MTUS2: variants seen among roughly 807,000 people sequenced by gnomAD.
MTUS2 encodes microtubule associated scaffold protein 2.
In MTUS2, 40 loss-of-function variants were observed where a neutral mutation model predicts 114.1. That is an observed-to-expected ratio of 0.35 (90% CI 0.27 to 0.46). The LOEUF is 0.46. Among genes scored for constraint, MTUS2 ranks in the 20% least tolerant of loss-of-function variants. The pLI is 1.00. For synonymous variants in MTUS2, 688 were observed against 672.0 expected (o/e 1.02, Z -0.37); for missense variants, 1,679 against 1,705.4 (o/e 0.98, Z 0.27).
chr13:28,981,655 G>A (rs571658053), intron 2 of MTUS2, among the ~76,000 whole-genome samples: 1 of 152,328 alleles, frequency 6.6e-6, no homozygotes, highest in East Asian at 1.9e-4. Flanking sequence ...TGCCTGGTCT[G>A]GCTTCTCTTC....
At chr13:29,085,842 C>T (rs1215389199) in intron 4 of MTUS2, among the ~76,000 whole-genome samples, 5 of 152,070 alleles carry the variant, frequency 3.3e-5, no homozygotes, top group Non-Finnish European at 7.4e-5. Flanking sequence ...GTTCTAAGTT[C>T]TTTGAGAATT....
chr13:28,842,278 A>G (rs1318274729), intron 2 of MTUS2, among the ~76,000 whole-genome samples: 1 of 152,172 alleles, frequency 6.6e-6, no homozygotes, highest in Non-Finnish European at 1.5e-5. Flanking sequence ...GACTTAGATC[A>G]GTTAATTCCT....
intron 5 of MTUS2, among the ~76,000 whole-genome samples, chr13:29,204,419 C>T (rs1258268859): frequency 6.6e-6 from 1 of 152,174 alleles, no homozygotes; most frequent in African/African-American, 2.4e-5. Flanking sequence ...AGGTGAGCCT[C>T]GGAAAAGTCC....
intron 5 of MTUS2, among the ~76,000 whole-genome samples, chr13:29,271,848 A>G (rs1393997530): frequency 2.6e-5 from 4 of 152,206 alleles, no homozygotes; most frequent in Admixed American, 2.0e-4. Flanking sequence ...AGGGTGACCA[A>G]TCAATGTTTT....
intron 9 of MTUS2, among the ~76,000 whole-genome samples, chr13:29,445,091 AT>A (rs1307275551): frequency 6.6e-6 from 1 of 152,222 alleles, no homozygotes; most frequent in East Asian, 1.9e-4. Context: ...TGTAGTTTGC[AT>A]AGTGCCCTCT....
chr13:29,420,643 G>C (rs1302947571), intron 8 of MTUS2, among the ~76,000 whole-genome samples: 1 of 152,132 alleles, frequency 6.6e-6, no homozygotes, highest in Non-Finnish European at 1.5e-5. Flanking sequence ...GGTTCACTGG[G>C]ATCATTCTTT....
chr13:28,883,846 T>G (rs896265802), intron 2 of MTUS2, among the ~76,000 whole-genome samples: 1 of 152,176 alleles, frequency 6.6e-6, no homozygotes, highest in Admixed American at 6.5e-5. Flanking sequence ...TCACACCCAT[T>G]ATAATGGCAA....
rs187601709 is a variant in MTUS2 at position 29,096,495 on chromosome 13, A to G, written c.2447-4278A>G. ...GACCCCTGGATAGCTCTTTTCAGTT[A>G]TTTCCTTGGCTCTCTCTAATAAACT... On this transcript the variant is annotated intron_variant, in intron 4 of 15. Transcript: ENST00000612955. Among the ~76,000 whole-genome samples, 142 of 152,234 alleles carry G rather than the reference A, an allele frequency of 9.3e-4. 2 individuals carry two copies. Among genetic ancestry groups the G allele is most frequent in the South Asian group, 3.9e-3 (19 of 4,814 alleles).
At chr13:29,131,578 A>T (rs1354408966) in intron 5 of MTUS2, among the ~76,000 whole-genome samples, 2 of 152,252 alleles carry the variant, frequency 1.3e-5, no homozygotes, top group South Asian at 2.1e-4. Flanking sequence ...TTCCACAAGG[A>T]AACAGGACAG....
At chr13:29,121,234 T>C (rs1242428402) in intron 5 of MTUS2, among the ~76,000 whole-genome samples, 2 of 152,228 alleles carry the variant, frequency 1.3e-5, no homozygotes, top group African/African-American at 4.8e-5. Context: ...ATGTCTTTGA[T>C]TGCTCTCATA....
Position 29,440,018 on chromosome 13 carries a change from A to C in MTUS2, c.3153A>C (p.Ser1051=). The C allele has an allele frequency of 1.9e-6, 3 of 1,589,626 alleles. No individual in the cohort carries two copies. Among genetic ancestry groups the C allele is most frequent in the Non-Finnish European group, 2.6e-6 (3 of 1,166,306 alleles). The part of the protein sequence containing the change: ...ESALVKEKEL[S]IELANIRDEV... ...CCCTTGTGAAAGAAAAAGAGCTGTC[A>C]ATCGAACTTGCAAACATCAGGGATG... The change falls in exon 9 of 16, where the codon TCA becomes TCC. Residue 1051 remains serine, a synonymous_variant. Coordinates refer to ENST00000612955, the MANE Select transcript of MTUS2 (RefSeq NM_001033602.4).
chr13:29,419,347 G>C (rs965305711), intron 8 of MTUS2, among the ~76,000 whole-genome samples: 7 of 152,172 alleles, frequency 4.6e-5, no homozygotes, highest in African/African-American at 1.7e-4. Flanking sequence ...GTAGTGTGGG[G>C]TTAATCCCCT....
chr13:29,415,277 A>G (rs1194601300), intron 8 of MTUS2, among the ~76,000 whole-genome samples: 1 of 152,192 alleles, frequency 6.6e-6, no homozygotes, highest in African/African-American at 2.4e-5. Context: ...ATAAAGTTCA[A>G]TATATAGCTA....
chr13:29,332,410 C>T (rs1900824100), intron 7 of MTUS2, among the ~76,000 whole-genome samples: 1 of 151,886 alleles, frequency 6.6e-6, no homozygotes, highest in Admixed American at 6.6e-5. Context: ...GTGATATCCC[C>T]TTTATCATTT....
At chr13:29,388,503 A>C (rs1872786541) in intron 8 of MTUS2, among the ~76,000 whole-genome samples, 1 of 151,632 alleles carries the variant, frequency 6.6e-6, no homozygotes, top group Non-Finnish European at 1.5e-5. Context: ...TCTGGCCTCC[A>C]TCTACATACA....
chr13:29,503,240 TC>T lies in MTUS2; in HGVS notation c.*35del. 1 of 1,608,140 alleles carries T rather than the reference TC, an allele frequency of 6.2e-7. No individual in the cohort carries two copies. Among genetic ancestry groups the T allele is most frequent in the Non-Finnish European group, 8.5e-7 (1 of 1,178,054 alleles). On this transcript the variant is annotated 3_prime_UTR_variant, in exon 16 of 16. Coordinates refer to ENST00000612955, the MANE Select transcript of MTUS2 (RefSeq NM_001033602.4). ...CACGGCCTGCGGGAGCTCCGGCTTC[TC>T]GTCCTCCGGTCTCCACCCTGAGGGA...
intron 5 of MTUS2, among the ~76,000 whole-genome samples, chr13:29,113,183 G>T (rs1437209932): frequency 6.6e-6 from 1 of 152,176 alleles, no homozygotes; most frequent in Non-Finnish European, 1.5e-5. Flanking sequence ...TTGGAGTCAA[G>T]TGATACATAC....
At chr13:29,401,732 A>G (rs1874364296) in intron 8 of MTUS2, among the ~76,000 whole-genome samples, 1 of 152,134 alleles carries the variant, frequency 6.6e-6, no homozygotes, top group Admixed American at 6.5e-5. Flanking sequence ...CCAGAACCCC[A>G]TAGTTTTATC....
At chr13:29,103,715 T>C (rs1156250813) in intron 5 of MTUS2, among the ~76,000 whole-genome samples, 1 of 152,214 alleles carries the variant, frequency 6.6e-6, no homozygotes, top group Non-Finnish European at 1.5e-5. Flanking sequence ...CACTAGGCAA[T>C]AGGAACTTTT....
Sources: gnomAD v4.1 joint callset for allele counts (sites outside exome capture counted in the v4.1 genomes callset) on GRCh38, gnomAD v4.1.1 for gene constraint, MANE v1.5 for transcripts, NCBI Gene and HGNC (gene_info 2026-07-23, HGNC 2026-07-21) for gene names.